LUC7L3: variants seen among roughly 807,000 people sequenced by gnomAD.
The protein encoded by LUC7L3 is LUC7 like 3 pre-mRNA splicing factor.
In LUC7L3, 6 loss-of-function variants were observed where a neutral mutation model predicts 66.8. That is an observed-to-expected ratio of 0.09 (90% CI 0.05 to 0.18). The LOEUF is 0.18. Among genes scored for constraint, LUC7L3 ranks in the 10% least tolerant of loss-of-function variants. The probability of loss-of-function intolerance (pLI) is 1.00; values close to 1 mark genes in which losing one functional copy is unlikely to be tolerated. For missense variants in LUC7L3, 341 were observed against 531.1 expected (o/e 0.64, Z 3.52); for synonymous variants, 160 against 174.7 (o/e 0.92, Z 0.66).
At chr17:50,722,351 C>T (rs1238740732) in intron 1 of LUC7L3, 1 of 151,994 alleles carries the variant, frequency 6.6e-6, no homozygotes, top group Non-Finnish European at 1.5e-5. Context: ...GCGCCCTCCA[C>T]CACGCCCAGC....
rs769636266 is a variant in LUC7L3 at position 50,741,711 on chromosome 17, A to G, written c.406A>G (p.Ile136Val). ...AAAAATTCAGGTTCTAACAGACAAAATTGATGTACTTCTGCAACAGGTGAG... is the reference window on the plus strand; with the variant it reads ...AAAAATTCAGGTTCTAACAGACAAAGTTGATGTACTTCTGCAACAGGTGAG... ...EEKIQVLTDK[I>V]DVLLQQIEEL... Residue 136 changes from isoleucine to valine, a missense_variant, in exon 5 of 10, where the codon ATT becomes GTT. Physicochemically the swap from Ile to Val is conservative, Grantham distance 29 (BLOSUM62 3). Transcript: ENST00000505658. The G allele has an allele frequency of 1.2e-6, 2 of 1,613,936 alleles. No homozygotes were observed. Among genetic ancestry groups the G allele is most frequent in the Non-Finnish European group, 1.7e-6 (2 of 1,179,802 alleles).
chr17:50,741,334 G>T, intron 4 of LUC7L3, 88 bp downstream of exon 4: 1 of 1,302,858 alleles, frequency 7.7e-7, no homozygotes. Context: ...CTTGTCTTCT[G>T]TTCATTACTT....
rs935936952 is a variant in LUC7L3 at position 50,751,425 on chromosome 17, C to A, written c.*764C>A. On this transcript the variant is annotated 3_prime_UTR_variant, in exon 10 of 10. Transcript: ENST00000505658. Reference sequence around the variant, plus strand: ...ATGTTTGAATGCTATTGCCTGTGATCTTTACGCTTAACTGTTGTGTATCTT... The same window carrying A: ...ATGTTTGAATGCTATTGCCTGTGATATTTACGCTTAACTGTTGTGTATCTT... 17 of 1,286,414 alleles carry A rather than the reference C, an allele frequency of 1.3e-5. No homozygotes were observed. The highest frequency in any genetic ancestry group is 4.6e-5 in the Admixed American group (2 of 43,284). 79.7% of individuals were successfully genotyped at this position (1,286,414 alleles called of 1,614,324 possible).
At chr17:50,743,893 C>A in intron 6 of LUC7L3, 83 bp downstream of exon 6, 2 of 1,018,688 alleles carry the variant, frequency 2.0e-6, no homozygotes, top group Non-Finnish European at 3.0e-6. Flanking sequence ...CCTTTGAAAA[C>A]TGATGTTCCA....
chr17:50,737,747 T>A (rs1970067937), intron 2 of LUC7L3, among the ~76,000 whole-genome samples: 2 of 152,144 alleles, frequency 1.3e-5, no homozygotes, highest in South Asian at 4.1e-4. Context: ...TAGGTGGTCC[T>A]GTGCATCTGT....
At chr17:50,726,473 A>G (rs1437569283) in intron 1 of LUC7L3, among the ~76,000 whole-genome samples, 3 of 152,072 alleles carry the variant, frequency 2.0e-5, no homozygotes, top group Non-Finnish European at 2.9e-5. Flanking sequence ...CGCCTGGCCT[A>G]TGTACAATAC....
chr17:50,732,009 G>A (rs148100369), intron 1 of LUC7L3, among the ~76,000 whole-genome samples: 66 of 152,278 alleles, frequency 4.3e-4, no homozygotes, highest in African/African-American at 1.6e-3. Flanking sequence ...TGTGTCTTGG[G>A]CAGCTGCTGG....
chr17:50,744,635 C>G lies in LUC7L3; in HGVS notation c.532-17C>G. The G allele has an allele frequency of 3.1e-6, 5 of 1,598,958 alleles. No homozygotes were observed. The highest frequency in any genetic ancestry group is 4.3e-6 in the Non-Finnish European group (5 of 1,174,162). ...TCTTCCTCAGATGTTCTTAAAATAA[C>G]TGATTTATCATTTTAGACAATTGAA... is the stretch of plus-strand genomic sequence containing the variant. On this transcript the variant is annotated splice_polypyrimidine_tract_variant and intron_variant, in intron 6 of 9. Transcript: ENST00000505658.
At chr17:50,740,486 TC>T (rs1970281126) in intron 3 of LUC7L3, 141 bp downstream of exon 3, 1 of 729,494 alleles carries the variant, frequency 1.4e-6, no homozygotes, top group East Asian at 2.7e-5. Context: ...GTAAGAAAGT[TC>T]TATAGCTTCA....
chr17:50,752,351 T>G lies in LUC7L3; in HGVS notation c.*1690T>G. 1.6e-6 allele frequency: 1 copy of G among 617,582 alleles called. No homozygotes were observed. 38.3% of individuals were successfully genotyped at this position (617,582 alleles called of 1,614,324 possible). ...ATTATTATTATTATTAAAAGTTAAT[T>G]CAGGACTGATGTGACCTACCAGATT... On this transcript the variant is annotated 3_prime_UTR_variant, in exon 10 of 10. Coordinates refer to ENST00000505658, the MANE Select transcript of LUC7L3 (RefSeq NM_016424.5).
intron 5 of LUC7L3, 68 bp from the exon 6 acceptor site, chr17:50,743,637 CA>C: frequency 1.0e-6 from 1 of 976,176 alleles, no homozygotes; most frequent in South Asian, 1.5e-5. Flanking sequence ...ACTAATGAAC[CA>C]TGGGGAAAAA....
chr17:50,726,630 T>C (rs1969204406), intron 1 of LUC7L3, among the ~76,000 whole-genome samples: 1 of 152,210 alleles, frequency 6.6e-6, no homozygotes, highest in Admixed American at 6.5e-5. Context: ...CTGGGGTTGC[T>C]GGCATTTGAG....
chr17:50,752,282 G>T lies in LUC7L3; in HGVS notation c.*1621G>T. The T allele has an allele frequency of 8.6e-7, 1 of 1,167,180 alleles. No homozygotes were observed. The highest frequency in any genetic ancestry group is 1.4e-5 in the South Asian group (1 of 72,276). The allele number at this position is 1,167,180 out of a possible 1,614,324, so 72.3% of individuals were successfully genotyped here. A position where few individuals can be genotyped will look rare whatever the true frequency, so the allele number is the denominator to read the frequency against. On this transcript the variant is annotated 3_prime_UTR_variant, in exon 10 of 10. Transcript: ENST00000505658. ...CATTTAAAAAATGAGGTGAAAGAAAGCTATAGTGGCATAGAAAAAGTATAA... is the reference window on the plus strand; with the variant it reads ...CATTTAAAAAATGAGGTGAAAGAAATCTATAGTGGCATAGAAAAAGTATAA...
At chr17:50,726,317 G>A (rs1026799776) in intron 1 of LUC7L3, among the ~76,000 whole-genome samples, 2 of 152,046 alleles carry the variant, frequency 1.3e-5, no homozygotes, top group African/African-American at 2.4e-5. Flanking sequence ...GATTACAGCC[G>A]TGTACCACCA....
intron 1 of LUC7L3, among the ~76,000 whole-genome samples, chr17:50,725,548 A>G (rs1045928672): frequency 6.6e-6 from 1 of 152,232 alleles, no homozygotes; most frequent in Non-Finnish European, 1.5e-5. Context: ...TTCCAATTGA[A>G]TGTAAACGCA....
intron 1 of LUC7L3, 101 bp downstream of exon 1, chr17:50,719,932 CACCCGGGGTCGA>C: frequency 9.4e-7 from 1 of 1,065,780 alleles, no homozygotes; most frequent in Non-Finnish European, 1.3e-6. Flanking sequence ...GCCAGGGCCG[CACCCGGGGTCGA>C]GCGTCTGACC....
chr17:50,720,524 CTAA>C (rs1298374323), intron 1 of LUC7L3, among the ~76,000 whole-genome samples: 9 of 152,192 alleles, frequency 5.9e-5, no homozygotes, highest in Non-Finnish European at 7.3e-5. Context: ...ACTGAGGAAA[CTAA>C]TCTTTGTAGT....
intron 2 of LUC7L3, among the ~76,000 whole-genome samples, chr17:50,738,797 G>A (rs996121109): frequency 6.6e-6 from 1 of 152,144 alleles, no homozygotes; most frequent in African/African-American, 2.4e-5. Flanking sequence ...CAGTACTAAA[G>A]GACATTCATC....
chr17:50,746,539 A>C lies in LUC7L3; in HGVS notation c.978-3A>C, dbSNP rs111730180. On this transcript the variant is annotated splice_polypyrimidine_tract_variant and splice_region_variant and intron_variant, in intron 8 of 9. Coordinates refer to ENST00000505658, the MANE Select transcript of LUC7L3 (RefSeq NM_016424.5). ...AGTTGCCTTTTGGTTTTAAATTATT[A>C]AGAAGTAGAGATCGACGAAGAAGCA... The C allele has an allele frequency of 1.2e-6, 2 of 1,609,986 alleles. No homozygotes were observed. Among genetic ancestry groups the C allele is most frequent in the South Asian group, 2.2e-5 (2 of 90,204 alleles).
Sources: gnomAD v4.1 joint callset for allele counts (sites outside exome capture counted in the v4.1 genomes callset) on GRCh38, gnomAD v4.1.1 for gene constraint, MANE v1.5 for transcripts, NCBI Gene and HGNC (gene_info 2026-07-23, HGNC 2026-07-21) for gene names.